RNF144A: variants seen among roughly 807,000 people sequenced by gnomAD.
RNF144A encodes ring finger protein 144A.
A neutral mutation model predicts 38.7 loss-of-function variants in RNF144A; 11 were observed. That is an observed-to-expected ratio of 0.28 (90% CI 0.18 to 0.47). The LOEUF (loss-of-function observed/expected upper bound fraction) is 0.47, where lower values mean the gene tolerates loss of function less well. Ranked by LOEUF, RNF144A falls within the 20% of genes least tolerant of loss-of-function variation. The probability of loss-of-function intolerance (pLI) is 0.99; values close to 1 mark genes in which losing one functional copy is unlikely to be tolerated. For synonymous variants in RNF144A, 149 were observed against 143.9 expected, an observed-to-expected ratio of 1.04 and a Z score of -0.25; for missense variants, 316 against 377.2, an observed-to-expected ratio of 0.84 and a Z score of 1.34.
intron 2 of RNF144A, among the ~76,000 whole-genome samples, chr2:6,957,583 G>T (rs1052047176): frequency 1.3e-4 from 20 of 152,066 alleles, no homozygotes; most frequent in African/African-American, 4.6e-4. Flanking sequence ...TGGGTACCCC[G>T]CATGGTTTAT....
chr2:6,994,482 C>A (rs1209350296), intron 2 of RNF144A, among the ~76,000 whole-genome samples: 1 of 151,960 alleles, frequency 6.6e-6, no homozygotes, highest in Non-Finnish European at 1.5e-5. Flanking sequence ...ACCCAGAAAA[C>A]CCCATGTAGA....
At chr2:6,923,463 A>G (rs954529527) in intron 1 of RNF144A, among the ~76,000 whole-genome samples, 9 of 152,202 alleles carry the variant, frequency 5.9e-5, no homozygotes, top group Non-Finnish European at 1.0e-4. Context: ...CCTTGGCTCC[A>G]GCCTGTCTTT....
intron 1 of RNF144A, among the ~76,000 whole-genome samples, chr2:6,926,973 C>T (rs770194628): frequency 2.0e-5 from 3 of 152,076 alleles, no homozygotes; most frequent in Admixed American, 1.3e-4. Flanking sequence ...GAGAGTTTAC[C>T]GTTCTGGAGT....
Position 6,944,763 on chromosome 2 carries a change from C to T in RNF144A, c.-12+3616C>T, listed in dbSNP as rs78580877. ...CTCTCTGTTGGCCACGCCCACCTCCCAGGACGCTGTGTTTGGGAATCTGTC... is the reference window on the plus strand; with the variant it reads ...CTCTCTGTTGGCCACGCCCACCTCCTAGGACGCTGTGTTTGGGAATCTGTC... On this transcript the variant is annotated intron_variant, in intron 2 of 8. Coordinates refer to ENST00000320892, the MANE Select transcript of RNF144A (RefSeq NM_014746.6). The surrounding 1 kb of genome is among the most constrained non-coding windows in gnomAD (Gnocchi z 4.7). 0.02 allele frequency among the ~76,000 whole-genome samples: 3,080 copies of T among 152,218 alleles called. 98 individuals are homozygous for T. Among genetic ancestry groups the T allele is most frequent in the African/African-American group, 0.07 (2,922 of 41,528 alleles).
intron 2 of RNF144A, among the ~76,000 whole-genome samples, chr2:6,975,635 C>A (rs1244079033): frequency 6.6e-6 from 1 of 152,156 alleles, no homozygotes; most frequent in Non-Finnish European, 1.5e-5. Flanking sequence ...CCAGCCTGGG[C>A]AACAAGTTGA....
intron 2 of RNF144A, among the ~76,000 whole-genome samples, chr2:6,954,199 AT>A (rs1279001045): frequency 1.3e-5 from 2 of 151,578 alleles, no homozygotes; most frequent in Non-Finnish European, 1.5e-5. Flanking sequence ...ATATATTTGG[AT>A]TTTTTTCTTC....
intron 8 of RNF144A, among the ~76,000 whole-genome samples, chr2:7,031,925 CTG>C (rs1320711615): frequency 3.3e-5 from 5 of 152,264 alleles, no homozygotes; most frequent in Non-Finnish European, 4.4e-5. Context: ...TCCAGTGAAA[CTG>C]TTTACACAGG....
intron 2 of RNF144A, among the ~76,000 whole-genome samples, chr2:6,992,295 G>C (rs539595945): frequency 6.6e-6 from 1 of 152,156 alleles, no homozygotes; most frequent in Non-Finnish European, 1.5e-5. Context: ...TTAATGAGTC[G>C]GGGTTGGAGC....
chr2:6,925,323 G>A (rs1010846623), intron 1 of RNF144A, among the ~76,000 whole-genome samples: 7 of 152,162 alleles, frequency 4.6e-5, no homozygotes, highest in African/African-American at 1.7e-4. Flanking sequence ...TGAAAACTGA[G>A]CCAGTCTGGT....
intron 6 of RNF144A, among the ~76,000 whole-genome samples, chr2:7,051,941 A>G (rs1673543729): frequency 6.6e-6 from 1 of 152,178 alleles, no homozygotes; most frequent in South Asian, 2.1e-4. Flanking sequence ...TGAATCCCCC[A>G]GTATTCAGAA....
At chr2:6,984,164 A>C (rs1368104086) in intron 2 of RNF144A, among the ~76,000 whole-genome samples, 1 of 152,146 alleles carries the variant, frequency 6.6e-6, no homozygotes, top group African/African-American at 2.4e-5. Context: ...CAAGCTGTGT[A>C]TCTTACCGAT....
chr2:6,999,535 C>T (rs1295713228), intron 3 of RNF144A, among the ~76,000 whole-genome samples: 3 of 152,184 alleles, frequency 2.0e-5, no homozygotes, highest in African/African-American at 7.2e-5. Flanking sequence ...CAGTTGAGTG[C>T]TGAAGTAACT....
At chr2:7,073,390 A>G in the RNF144A span, among the ~76,000 whole-genome samples, 1 of 149,830 alleles carries the variant, frequency 6.7e-6, no homozygotes, top group Non-Finnish European at 1.5e-5. Flanking sequence ...TCATATTTGT[A>G]TGAAGGCCAA....
At chr2:7,005,622 C>T (rs1304235470) in intron 3 of RNF144A, among the ~76,000 whole-genome samples, 1 of 152,210 alleles carries the variant, frequency 6.6e-6, no homozygotes, top group African/African-American at 2.4e-5. Flanking sequence ...GAACACAGAA[C>T]AGCTTCCTGA....
At chr2:7,060,732 C>A (rs1443375760) in intron 6 of RNF144A, among the ~76,000 whole-genome samples, 1 of 152,174 alleles carries the variant, frequency 6.6e-6, no homozygotes, top group Non-Finnish European at 1.5e-5. Flanking sequence ...AATTTATAAC[C>A]TCTTCTGAGA....
At position 7,017,345 on chromosome 2, in the gene RNF144A, C is replaced by T. The variant is rs1300361923; in HGVS notation, c.301+2573C>T. On this transcript the variant is annotated intron_variant, in intron 5 of 8. Transcript: ENST00000320892. ...TGTTTTTTTTTTTTAAAGTAAAGCTCAGAGAGATTAAATAATACGATGGGT... is the reference window on the plus strand; with the variant it reads ...TGTTTTTTTTTTTTAAAGTAAAGCTTAGAGAGATTAAATAATACGATGGGT... Among the ~76,000 whole-genome samples the T allele has an allele frequency of 3.5e-4, 51 of 147,336 alleles. No homozygotes were observed. The East Asian group carries it at 4.4e-3, about 13-fold the overall frequency.
At chr2:6,940,692 A>C (rs1665909791) in intron 1 of RNF144A, among the ~76,000 whole-genome samples, 1 of 152,150 alleles carries the variant, frequency 6.6e-6, no homozygotes. Context: ...GAGGGGACAG[A>C]ATGAAGATCG....
chr2:6,930,656 A>G (rs1215476252), intron 1 of RNF144A, among the ~76,000 whole-genome samples: 2 of 152,092 alleles, frequency 1.3e-5, no homozygotes, highest in African/African-American at 4.8e-5. Context: ...CAGTGGTGCA[A>G]TCTCAGCTCA....
At chr2:7,053,948 C>T (rs1374205713) in intron 6 of RNF144A, among the ~76,000 whole-genome samples, 2 of 152,184 alleles carry the variant, frequency 1.3e-5, no homozygotes, top group Admixed American at 6.5e-5. Context: ...GCACTGGTGC[C>T]CAGAGAGAGA....
Sources: gnomAD v4.1 joint callset for allele counts (sites outside exome capture counted in the v4.1 genomes callset) on GRCh38, gnomAD v4.1.1 for gene constraint, Gnocchi (gnomAD v3.1) non-coding constraint, MANE v1.5 for transcripts, NCBI Gene and HGNC (gene_info 2026-07-23, HGNC 2026-07-21) for gene names.